The following DLGAP1 variants were observed in gnomAD, a reference collection of about 807,000 sequenced individuals.
DLGAP1 encodes DLG associated protein 1.
In DLGAP1, 11 loss-of-function variants were observed where a neutral mutation model predicts 90.8. That is an observed-to-expected ratio of 0.12 (90% CI 0.08 to 0.20). The LOEUF (loss-of-function observed/expected upper bound fraction) is 0.20. Ranked by LOEUF, DLGAP1 falls within the 10% of genes least tolerant of loss-of-function variation. DLGAP1 has a pLI of 1.00. For missense variants in DLGAP1, 1,050 were observed against 1,333.8 expected (o/e 0.79, Z 3.31); for synonymous variants, 558 against 540.7 (o/e 1.03, Z -0.44).
intron 2 of DLGAP1, among the ~76,000 whole-genome samples, chr18:4,045,876 G>A (rs1215337086): frequency 6.7e-6 from 1 of 149,362 alleles, no homozygotes; most frequent in South Asian, 2.1e-4. Context: ...ATAACCTCAA[G>A]CAATCCTCCT....
At chr18:4,424,494 G>C (rs1321608172) in intron 1 of DLGAP1, among the ~76,000 whole-genome samples, 1 of 152,056 alleles carries the variant, frequency 6.6e-6, no homozygotes, top group Non-Finnish European at 1.5e-5. Flanking sequence ...ATGTATACTT[G>C]ATGTAAAGAT....
At chr18:3,589,030 A>T (rs576447119) in intron 7 of DLGAP1, among the ~76,000 whole-genome samples, 39 of 151,234 alleles carry the variant, frequency 2.6e-4, no homozygotes, top group South Asian at 6.3e-4. Context: ...AAAAATATAT[A>T]AAAAAAAATT....
chr18:3,609,450 C>T (rs1278528670), intron 7 of DLGAP1, among the ~76,000 whole-genome samples: 2 of 152,180 alleles, frequency 1.3e-5, no homozygotes, highest in Non-Finnish European at 2.9e-5. Flanking sequence ...GAGTCTTAGC[C>T]ATGAACCTAG....
At chr18:4,264,453 C>T (rs2079063805) in intron 1 of DLGAP1, 2 of 152,374 alleles carry the variant, frequency 1.3e-5, no homozygotes, top group African/African-American at 4.8e-5. Context: ...TAGCTAGATT[C>T]CTGCCCTTGC....
At chr18:3,546,457 T>C (rs559930243) in intron 9 of DLGAP1, among the ~76,000 whole-genome samples, 1 of 150,094 alleles carries the variant, frequency 6.7e-6, no homozygotes, top group East Asian at 1.9e-4. Context: ...TTTTTCCTAG[T>C]ACACACAGAG....
chr18:3,558,073 C>T (rs2053862478), intron 9 of DLGAP1, among the ~76,000 whole-genome samples: 1 of 152,146 alleles, frequency 6.6e-6, no homozygotes, highest in Non-Finnish European at 1.5e-5. Context: ...CTATATTTAG[C>T]TGTTCAGTAG....
chr18:4,253,585 T>C (rs1404407372), intron 1 of DLGAP1, among the ~76,000 whole-genome samples: 3 of 152,018 alleles, frequency 2.0e-5, no homozygotes, highest in African/African-American at 7.2e-5. Flanking sequence ...AATTTTTATA[T>C]CTTTAGTAGA....
chr18:4,082,965 G>A (rs532851690), intron 2 of DLGAP1, among the ~76,000 whole-genome samples: 3 of 152,170 alleles, frequency 2.0e-5, no homozygotes, highest in Admixed American at 6.5e-5. Flanking sequence ...AAGGGTCCCC[G>A]CCTTTTCATT....
At position 4,454,827 on chromosome 18, in the gene DLGAP1, C is replaced by A. The variant is rs370464171; in HGVS notation, c.-267+179G>T. ...GGAGGGCCCGGGAGTGCACCCCGGG[C>A]GGCTGAAAGGGTAAGGAGCGCGGAC... On this transcript the variant is annotated intron_variant, in intron 1 of 12. Transcript: ENST00000315677. The surrounding 1 kb of genome is among the most constrained non-coding windows in gnomAD (Gnocchi z 4.7). 6.6e-6 allele frequency among the ~76,000 whole-genome samples: 1 copy of A among 151,312 alleles called. No homozygotes were observed. The highest frequency in any genetic ancestry group is 2.4e-5 in the African/African-American group (1 of 41,240).
At chr18:4,116,821 T>C (rs1173941667) in intron 2 of DLGAP1, among the ~76,000 whole-genome samples, 6 of 152,252 alleles carry the variant, frequency 3.9e-5, no homozygotes, top group Non-Finnish European at 7.3e-5. Flanking sequence ...ATGTGTGATG[T>C]CATTGTCTGC....
At chr18:4,030,283 T>G (rs944980046) in intron 2 of DLGAP1, among the ~76,000 whole-genome samples, 4 of 152,244 alleles carry the variant, frequency 2.6e-5, no homozygotes, top group Non-Finnish European at 5.9e-5. Context: ...CATGACTGTA[T>G]TCCTAGGGCT....
intron 4 of DLGAP1, among the ~76,000 whole-genome samples, chr18:3,875,509 T>C (rs967977900): frequency 2.6e-5 from 4 of 152,196 alleles, no homozygotes; most frequent in Non-Finnish European, 5.9e-5. Flanking sequence ...GAGGTAGAGA[T>C]TGGGCATAGT....
chr18:4,107,836 G>A (rs1055382257), intron 2 of DLGAP1, among the ~76,000 whole-genome samples: 2 of 152,054 alleles, frequency 1.3e-5, no homozygotes, highest in Non-Finnish European at 2.9e-5. Context: ...TCTTCCATTT[G>A]GTGTTTGTGT....
Position 4,056,147 on chromosome 18 carries a change from G to C in DLGAP1, c.-158-50946C>G, listed in dbSNP as rs145248805. On this transcript the variant is annotated intron_variant, in intron 2 of 12. Coordinates refer to ENST00000315677, the MANE Select transcript of DLGAP1 (RefSeq NM_004746.4). The stretch of plus-strand genomic sequence containing the variant: ...GAGAGGCAGGTTATCTATGGGGAAG[G>C]GGGCAGGAGAAGGCCGTGGAGCCTT... Among the ~76,000 whole-genome samples, 256 of 152,276 alleles carry C rather than the reference G, an allele frequency of 1.7e-3. 1 individual carries two copies. Among genetic ancestry groups the C allele is most frequent in the Non-Finnish European group, 3.1e-3 (209 of 68,024 alleles).
chr18:3,515,189 G>T (rs479308), intron 10 of DLGAP1, among the ~76,000 whole-genome samples: 106,207 of 151,914 alleles, frequency 0.7, 37,506 homozygotes, highest in South Asian at 0.79. Flanking sequence ...GGAGTCAAGG[G>T]GCCGGGCGCG....
intron 5 of DLGAP1, among the ~76,000 whole-genome samples, chr18:3,772,402 TTCTTTCTC>T (rs1568109726): frequency 2.7e-5 from 1 of 36,620 alleles, no homozygotes; most frequent in Non-Finnish European, 6.7e-5. Flanking sequence ...CTTTCTTTCT[TTCTTTCTC>T]TTTCTTTCTT....
Position 3,729,040 on chromosome 18 carries a change from C to A in DLGAP1, c.1591+95G>T, listed in dbSNP as rs547031150. ...GACATGGGTGGTATCTTGTTCCTGGCAACTATGTGTGTTGACAGCAAGGGC... is the reference window on the plus strand; with the variant it reads ...GACATGGGTGGTATCTTGTTCCTGGAAACTATGTGTGTTGACAGCAAGGGC... On this transcript the variant is annotated intron_variant, in intron 7 of 12. Coordinates refer to ENST00000315677, the MANE Select transcript of DLGAP1 (RefSeq NM_004746.4). The surrounding 1 kb of genome is among the most constrained non-coding windows in gnomAD (Gnocchi z 6.2). 9.4e-6 allele frequency: 14 copies of A among 1,490,180 alleles called. No homozygotes were observed. The highest frequency in any genetic ancestry group is 4.1e-5 in the Admixed American group (2 of 48,386). 92.3% of individuals were successfully genotyped at this position (1,490,180 alleles called of 1,614,324 possible). A position where few individuals can be genotyped will look rare whatever the true frequency, so the allele number is the denominator to read the frequency against.
intron 9 of DLGAP1, among the ~76,000 whole-genome samples, chr18:3,550,480 C>T (rs1385610223): frequency 6.6e-6 from 1 of 152,134 alleles, no homozygotes; most frequent in Non-Finnish European, 1.5e-5. Context: ...CCTGCCTCAG[C>T]CTCCCTAAGA....
At chr18:4,228,935 T>C (rs972876795) in intron 1 of DLGAP1, among the ~76,000 whole-genome samples, 2 of 151,962 alleles carry the variant, frequency 1.3e-5, no homozygotes, top group Non-Finnish European at 2.9e-5. Flanking sequence ...ATCTTATATT[T>C]GGAAAAACCT....
Sources: gnomAD v4.1 joint callset for allele counts (sites outside exome capture counted in the v4.1 genomes callset) on GRCh38, gnomAD v4.1.1 for gene constraint, Gnocchi (gnomAD v3.1) non-coding constraint, MANE v1.5 for transcripts, NCBI Gene and HGNC (gene_info 2026-07-23, HGNC 2026-07-21) for gene names.